The following GSE1 variants were observed in gnomAD, a reference collection of about 807,000 sequenced individuals.
GSE1 encodes the protein Gse1 coiled-coil protein.
Under a neutral mutation model 112.6 loss-of-function variants are expected in GSE1, and 32 were observed. That is an observed-to-expected ratio of 0.28 (90% CI 0.21 to 0.38). The LOEUF (loss-of-function observed/expected upper bound fraction) is 0.38. Ranked by LOEUF, GSE1 falls within the 10% of genes least tolerant of loss-of-function variation. The probability of loss-of-function intolerance (pLI) is 1.00; values close to 1 mark genes in which losing one functional copy is unlikely to be tolerated. For missense variants in GSE1, 2,348 were observed against 1,699.2 expected (o/e 1.38, Z -6.71); for synonymous variants, 1,115 against 735.6 (o/e 1.52, Z -8.35).
In GSE1 at chr16:85,657,441, G is replaced by A. The variant is rs1365566032; in HGVS notation, c.1477G>A (p.Glu493Lys). 1.9e-6 allele frequency: 3 copies of A among 1,612,480 alleles called. No individual in the cohort carries two copies. Among genetic ancestry groups the A allele is most frequent in the African/African-American group, 2.7e-5 (2 of 74,936 alleles). The change falls in exon 8 of 16, where the codon GAG (glutamate) becomes AAG (lysine). Residue 493 changes from glutamate (E) to lysine (K), a missense_variant. Physicochemically the swap from Glu to Lys is moderately conservative, Grantham distance 56. Coordinates refer to ENST00000253458, the MANE Select transcript of GSE1 (RefSeq NM_014615.5). The stretch of plus-strand genomic sequence containing the variant: ...AGCCCTGCTGATCCAGCGCACCAAT[G>A]AGGAGGAGAAGTGGCTGGCGCGGCA... ...ATALLIQRTN[E>K]EEKWLARQRR... is the part of the protein sequence containing the mutation.
At chr16:85,315,782 T>C (rs1462323987) in intron 1 of GSE1, among the ~76,000 whole-genome samples, 1 of 152,260 alleles carries the variant, frequency 6.6e-6, no homozygotes, top group African/African-American at 2.4e-5. Flanking sequence ...TCATCCGAAA[T>C]GAACTGGGCA....
intron 1 of GSE1, among the ~76,000 whole-genome samples, chr16:85,335,391 A>G (rs1180741823): frequency 1.3e-5 from 2 of 152,232 alleles, no homozygotes; most frequent in Non-Finnish European, 2.9e-5. Flanking sequence ...CGGCTTTTTA[A>G]TCAGCAAGAC....
chr16:85,180,833 C>A (rs996364013), intron 1 of GSE1, among the ~76,000 whole-genome samples: 1 of 152,136 alleles, frequency 6.6e-6, no homozygotes, highest in African/African-American at 2.4e-5. Context: ...CCGATGAGTT[C>A]TTAGGATTTA....
intron 1 of GSE1, among the ~76,000 whole-genome samples, chr16:85,337,919 C>T (rs1386084096): frequency 6.6e-6 from 1 of 152,256 alleles, no homozygotes; most frequent in African/African-American, 2.4e-5. Flanking sequence ...TCAGGCAGGA[C>T]CCAGCCTGGA....
At chr16:85,535,859 C>T (rs1376029299) in intron 2 of GSE1, among the ~76,000 whole-genome samples, 1 of 152,258 alleles carries the variant, frequency 6.6e-6, no homozygotes, top group Admixed American at 6.5e-5. Flanking sequence ...CTTCAAAGGC[C>T]TGTCCTGTCC....
chr16:85,271,941 G>T (rs4485348), intron 1 of GSE1, among the ~76,000 whole-genome samples: 1 of 152,212 alleles, frequency 6.6e-6, no homozygotes, highest in African/African-American at 2.4e-5. Context: ...CGGGGGCTAC[G>T]TGGCCAGGCC....
rs199594114 is a variant in GSE1, at chr16:85,657,325, C to T, written c.1361C>T (p.Pro454Leu). Residue 454 changes from proline to leucine, a missense_variant, in exon 8 of 16, where the codon CCC becomes CTC. Physicochemically the swap from Pro to Leu is moderately conservative, Grantham distance 98 (BLOSUM62 -3). Transcript: ENST00000253458. Reference protein sequence around the residue: ...GLQAPKPVQHPLHPVPTPHHT... With the variant: ...GLQAPKPVQHLLHPVPTPHHT... ...CAGGCGCCCAAGCCCGTCCAACACCCCTTGCATCCGGTGCCCACCCCACAC... is the reference window on the plus strand; with the variant it reads ...CAGGCGCCCAAGCCCGTCCAACACCTCTTGCATCCGGTGCCCACCCCACAC... The T allele has an allele frequency of 6.4e-5, 102 of 1,605,830 alleles. No individual in the cohort carries two copies. The East Asian group carries it at 2.1e-3, about 33-fold the overall frequency.
At chr16:85,503,247 G>A (rs1053065423) in intron 2 of GSE1, among the ~76,000 whole-genome samples, 1 of 152,214 alleles carries the variant, frequency 6.6e-6, no homozygotes, top group African/African-American at 2.4e-5. Flanking sequence ...CCAGCATCCA[G>A]GGGTCACCAC....
rs376882620 is a variant in GSE1, at chr16:85,657,568, C to T, written c.1604C>T (p.Pro535Leu). Residue 535 changes from proline to leucine, a missense_variant, in exon 8 of 16, where the codon CCG becomes CTG. Pro to Leu is a moderately conservative substitution (Grantham distance 98, BLOSUM62 -3). Transcript: ENST00000253458. Reference sequence around the variant, plus strand: ...CTGGATATGGGCCGGCCCCCGGTGCCGGCGGAGGCAGAGCACAGGCCGGAG... The same window carrying T: ...CTGGATATGGGCCGGCCCCCGGTGCTGGCGGAGGCAGAGCACAGGCCGGAG... ...QHLDMGRPPV[P>L]AEAEHRPEST... 6.8e-5 allele frequency: 106 copies of T among 1,568,850 alleles called. No individual in the cohort carries two copies. Among genetic ancestry groups the T allele is most frequent in the East Asian group, 5.5e-4 (24 of 44,012 alleles).
chr16:85,522,091 C>T (rs2052205010), intron 2 of GSE1, among the ~76,000 whole-genome samples: 2 of 152,174 alleles, frequency 1.3e-5, no homozygotes, highest in Non-Finnish European at 2.9e-5. Flanking sequence ...CATATCTGGG[C>T]GGATGGCTGC....
chr16:85,541,479 C>G (rs2044516650), intron 2 of GSE1, among the ~76,000 whole-genome samples: 1 of 152,256 alleles, frequency 6.6e-6, no homozygotes, highest in African/African-American at 2.4e-5. Flanking sequence ...CAAGTGAAAA[C>G]CCTTTTCTAA....
chr16:85,460,681 A>T (rs986746268), intron 2 of GSE1, among the ~76,000 whole-genome samples: 1 of 152,248 alleles, frequency 6.6e-6, no homozygotes, highest in African/African-American at 2.4e-5. Flanking sequence ...AGACTTGAAG[A>T]GACGGGGGCT....
chr16:85,585,741 G>GCGATGACA (rs1185622720), intron 1 of GSE1, among the ~76,000 whole-genome samples: 1 of 152,182 alleles, frequency 6.6e-6, no homozygotes, highest in African/African-American at 2.4e-5. Context: ...AGAGCTGACG[G>GCGATGACA]CGATGACACG....
chr16:85,445,302 C>T (rs1237584261), intron 2 of GSE1, among the ~76,000 whole-genome samples: 2 of 152,228 alleles, frequency 1.3e-5, no homozygotes, highest in Admixed American at 6.5e-5. Context: ...AGTGGAGAGG[C>T]GAGTGTGCTG....
chr16:85,191,628 G>A (rs961857838), intron 1 of GSE1, among the ~76,000 whole-genome samples: 2 of 152,134 alleles, frequency 1.3e-5, no homozygotes, highest in East Asian at 1.9e-4. Context: ...TCTACGTGCC[G>A]CTGTGCCTCT....
chr16:85,235,526 G>T (rs1225603796), intron 1 of GSE1, among the ~76,000 whole-genome samples: 1 of 145,184 alleles, frequency 6.9e-6, no homozygotes, highest in Non-Finnish European at 1.5e-5. Flanking sequence ...GTCTTTCCTG[G>T]CCAGACCTGG....
At chr16:85,651,420 A>C (rs1179079021) in intron 3 of GSE1, among the ~76,000 whole-genome samples, 3 of 151,270 alleles carry the variant, frequency 2.0e-5, no homozygotes, top group African/African-American at 4.9e-5. Context: ...AGCCCCCCGG[A>C]CTCCCTGTTT....
At chr16:85,461,367 C>G (rs79859322) in intron 2 of GSE1, among the ~76,000 whole-genome samples, 4,272 of 152,272 alleles carry the variant, frequency 0.028, 212 homozygotes, top group African/African-American at 0.098. Flanking sequence ...CCCCACTCCC[C>G]CTTTGAGAGC....
At chr16:85,497,695 C>A (rs900626127) in intron 2 of GSE1, among the ~76,000 whole-genome samples, 2 of 152,188 alleles carry the variant, frequency 1.3e-5, no homozygotes, top group African/African-American at 4.8e-5. Flanking sequence ...ATGTCCTATG[C>A]ATGGTCCTGG....
Sources: allele counts gnomAD v4.1 joint callset (sites outside exome capture counted in the v4.1 genomes callset), GRCh38; gene constraint gnomAD v4.1.1; transcripts MANE v1.5; gene names NCBI Gene and HGNC (gene_info 2026-07-23, HGNC 2026-07-21).